Variants in TLK1 observed in about 807,000 individuals in gnomAD.
TLK1 encodes serine/threonine-protein kinase tousled-like 1.
Under a neutral mutation model 105.3 loss-of-function variants are expected in TLK1, and 24 were observed. The ratio of observed to expected loss-of-function variants is 0.23; its 90% CI spans 0.17 to 0.32. The LOEUF (loss-of-function observed/expected upper bound fraction) is 0.32. TLK1 is among the 10% of genes least tolerant of loss of function. The probability of loss-of-function intolerance (pLI) is 1.00; values close to 1 mark genes in which losing one functional copy is unlikely to be tolerated. For missense variants in TLK1, 558 were observed against 910.5 expected, an observed-to-expected ratio of 0.61 and a Z score of 4.98; for synonymous variants, 321 against 310.4, an observed-to-expected ratio of 1.03 and a Z score of -0.36.
At position 171,115,174 on chromosome 2, in the gene TLK1, C is replaced by CT. The variant is rs151300135; in HGVS notation, c.258+2564dup. The stretch of plus-strand genomic sequence containing the variant: ...TGCTTCATCTTTTAAGAATTTCTTT[C>CT]TTTTTTTTTTTTTTGAGACTGAGTT... On this transcript the variant is annotated intron_variant, in intron 2 of 20. Coordinates refer to ENST00000431350, the MANE Select transcript of TLK1 (RefSeq NM_012290.5). 6.8e-3 allele frequency among the ~76,000 whole-genome samples: 941 copies of CT among 137,642 alleles called. 41 individuals carry two copies. Among genetic ancestry groups the CT allele is most frequent in the Admixed American group, 0.058 (783 of 13,608 alleles). 90.3% of individuals were successfully genotyped at this position (137,642 alleles called of 152,430 possible).
chr2:171,086,079 A>G (rs1203860832), intron 2 of TLK1, among the ~76,000 whole-genome samples: 3 of 152,238 alleles, frequency 2.0e-5, no homozygotes, highest in African/African-American at 4.8e-5. Flanking sequence ...ATAAAGATGC[A>G]TATGAAAAAA....
chr2:171,061,535 C>A (rs555251228), intron 3 of TLK1, among the ~76,000 whole-genome samples: 1 of 152,270 alleles, frequency 6.6e-6, no homozygotes, highest in Non-Finnish European at 1.5e-5. Flanking sequence ...TAGTTTCCTA[C>A]TACTCAAACA....
intron 1 of TLK1, among the ~76,000 whole-genome samples, chr2:171,128,287 CAACT>C (rs1198765206): frequency 6.6e-6 from 1 of 152,070 alleles, no homozygotes; most frequent in Admixed American, 6.6e-5. Context: ...AAAAATCTGA[CAACT>C]AATTTTTCTT....
intron 1 of TLK1, among the ~76,000 whole-genome samples, chr2:171,133,993 G>A (rs1691207801): frequency 6.6e-6 from 1 of 151,936 alleles, no homozygotes; most frequent in South Asian, 2.1e-4. Flanking sequence ...CACCATACCT[G>A]GCTGTTTTTT....
intron 2 of TLK1, among the ~76,000 whole-genome samples, chr2:171,104,133 G>A (rs1172251061): frequency 6.6e-5 from 10 of 151,948 alleles, no homozygotes; most frequent in Non-Finnish European, 8.8e-5. Context: ...AAAATTAGTT[G>A]GGCATGGTGG....
At chr2:171,199,972 T>G (rs1211381873) in intron 1 of TLK1, among the ~76,000 whole-genome samples, 3 of 152,198 alleles carry the variant, frequency 2.0e-5, no homozygotes, top group Non-Finnish European at 4.4e-5. Context: ...TTGACATGGC[T>G]TACAATAATG....
chr2:171,037,801 T>G (rs113113713), intron 11 of TLK1, among the ~76,000 whole-genome samples: 113 of 152,318 alleles, frequency 7.4e-4, no homozygotes, highest in Middle Eastern at 3.4e-3. Context: ...ACAAGTGAGA[T>G]TTGCCTGTAA....
chr2:171,181,061 G>C (rs1201800547), intron 1 of TLK1, among the ~76,000 whole-genome samples: 1 of 152,102 alleles, frequency 6.6e-6, no homozygotes, highest in Non-Finnish European at 1.5e-5. Flanking sequence ...AAACAATAAA[G>C]GTTTGCCATT....
intron 2 of TLK1, among the ~76,000 whole-genome samples, chr2:171,104,167 T>G (rs1332626587): frequency 6.6e-6 from 1 of 151,626 alleles, no homozygotes; most frequent in African/African-American, 2.4e-5. Context: ...TCCCAGCTAC[T>G]TGGGAGGCTG....
At chr2:171,009,291 CTTTTTTTTTTTTTTTTTTT>C (rs71008743) in intron 14 of TLK1, among the ~76,000 whole-genome samples, 9 of 74,832 alleles carry the variant, frequency 1.2e-4, no homozygotes, top group African/African-American at 3.7e-4. Context: ...ATTTCTTTTC[CTTTTTTTTTTTTTTTTTTT>C]TTTTTTTTTG....
chr2:171,074,200 A>G (rs1158779529), intron 3 of TLK1, among the ~76,000 whole-genome samples: 1 of 151,978 alleles, frequency 6.6e-6, no homozygotes, highest in Non-Finnish European at 1.5e-5. Flanking sequence ...CACATTCCCC[A>G]TTTTTTATGT....
chr2:171,068,031 T>C (rs1962841), intron 3 of TLK1, among the ~76,000 whole-genome samples: 87,095 of 151,796 alleles, frequency 0.57, 26,896 homozygotes, highest in East Asian at 0.95. Context: ...CTTTTTTTCC[T>C]GAGACATGGG....
intron 2 of TLK1, among the ~76,000 whole-genome samples, chr2:171,085,171 C>T (rs1458045419): frequency 1.3e-5 from 2 of 152,124 alleles, no homozygotes; most frequent in Non-Finnish European, 2.9e-5. Context: ...GGGCAGATCA[C>T]CTGAGGTCAG....
intron 2 of TLK1, among the ~76,000 whole-genome samples, chr2:171,083,533 A>G (rs1371612695): frequency 6.6e-6 from 1 of 152,152 alleles, no homozygotes; most frequent in Non-Finnish European, 1.5e-5. Flanking sequence ...TACCATCAGT[A>G]CATCAGATCA....
chr2:171,027,509 C>T (rs1003325217), intron 12 of TLK1, among the ~76,000 whole-genome samples: 1 of 152,154 alleles, frequency 6.6e-6, no homozygotes, highest in East Asian at 1.9e-4. Context: ...TAACACATAG[C>T]AACATTTTTT....
chr2:171,227,258 C>A (rs1400603683), intron 1 of TLK1, among the ~76,000 whole-genome samples: 1 of 152,208 alleles, frequency 6.6e-6, no homozygotes, highest in Non-Finnish European at 1.5e-5. Context: ...TATCTCCTGA[C>A]CTCATGATTG....
intron 1 of TLK1, among the ~76,000 whole-genome samples, chr2:171,169,396 A>G (rs952794995): frequency 1.3e-5 from 2 of 152,158 alleles, no homozygotes; most frequent in African/African-American, 4.8e-5. Flanking sequence ...AGCATAAAAT[A>G]TATATATACA....
intron 2 of TLK1, among the ~76,000 whole-genome samples, chr2:171,099,395 T>A (rs552187845): frequency 6.6e-6 from 1 of 152,210 alleles, no homozygotes; most frequent in Non-Finnish European, 1.5e-5. Context: ...TGTGTTCATG[T>A]GCTAGAAGAC....
At chr2:171,097,639 A>G (rs1049779324) in intron 2 of TLK1, among the ~76,000 whole-genome samples, 9 of 152,232 alleles carry the variant, frequency 5.9e-5, no homozygotes, top group Non-Finnish European at 1.2e-4. Context: ...ATTTAAGAAT[A>G]GGCGGCCGGG....
Sources: allele counts gnomAD v4.1 joint callset (sites outside exome capture counted in the v4.1 genomes callset), GRCh38; gene constraint gnomAD v4.1.1; transcripts MANE v1.5; gene names NCBI Gene and HGNC (gene_info 2026-07-23, HGNC 2026-07-21).